PXDNL: variants seen among roughly 807,000 people sequenced by gnomAD.
PXDNL encodes the protein probable oxidoreductase PXDNL.
Under a neutral mutation model 150.8 loss-of-function variants are expected in PXDNL, and 145 were observed. The ratio of observed to expected loss-of-function variants is 0.96; its 90% CI spans 0.84 to 1.10. The LOEUF (loss-of-function observed/expected upper bound fraction) is 1.10. Among genes scored for constraint, PXDNL ranks in the 50% least tolerant of loss-of-function variants. The probability of loss-of-function intolerance (pLI) is 0.00; values close to 1 mark genes in which losing one functional copy is unlikely to be tolerated. For synonymous variants in PXDNL, 757 were observed against 725.7 expected, an observed-to-expected ratio of 1.04 and a Z score of -0.69; for missense variants, 2,087 against 1,873.9, an observed-to-expected ratio of 1.11 and a Z score of -2.10.
chr8:51,409,111 T>C lies in PXDNL; in HGVS notation c.2513A>G (p.Asn838Ser), dbSNP rs754797085. Residue 838 changes from asparagine to serine, a missense_variant, in exon 17 of 23, where the codon AAC becomes AGC. Coordinates refer to ENST00000356297, the MANE Select transcript of PXDNL (RefSeq NM_144651.5). ...DGRPCSSVCTNDPPCFPMNTR... is the reference protein window; with the variant it reads ...DGRPCSSVCTSDPPCFPMNTR... ...GTTCATGGGGAAACAAGGAGGGTCGTTGGTGCAGACGGAGCTGCACGGCCG... is the reference window on the plus strand; with the variant it reads ...GTTCATGGGGAAACAAGGAGGGTCGCTGGTGCAGACGGAGCTGCACGGCCG... 6.8e-6 allele frequency: 11 copies of C among 1,608,696 alleles called. 1 individual carries two copies. Among genetic ancestry groups the C allele is most frequent in the South Asian group, 4.4e-5 (4 of 90,972 alleles).
intron 1 of PXDNL, among the ~76,000 whole-genome samples, chr8:51,713,820 C>T (rs1816548764): frequency 6.6e-6 from 1 of 152,016 alleles, no homozygotes; most frequent in Admixed American, 6.5e-5. Context: ...AAATGTATTC[C>T]CAACAGATAA....
intron 1 of PXDNL, among the ~76,000 whole-genome samples, chr8:51,721,258 T>G (rs1816725151): frequency 6.6e-6 from 1 of 152,256 alleles, no homozygotes; most frequent in Admixed American, 6.5e-5. Flanking sequence ...ACTTCTTTTG[T>G]TTTTAATTAG....
At chr8:51,558,330 G>A (rs1812638798) in intron 3 of PXDNL, among the ~76,000 whole-genome samples, 1 of 152,022 alleles carries the variant, frequency 6.6e-6, no homozygotes, top group Non-Finnish European at 1.5e-5. Context: ...TATGCAGCAA[G>A]GTTGAAAGCT....
intron 1 of PXDNL, among the ~76,000 whole-genome samples, chr8:51,795,549 G>C (rs2037551903): frequency 6.6e-6 from 1 of 152,148 alleles, no homozygotes; most frequent in Non-Finnish European, 1.5e-5. Flanking sequence ...AATGACTCCT[G>C]GGTAAATAAC....
rs2036961312 is a variant in PXDNL at position 51,744,922 on chromosome 8, G to T, written c.164+64259C>A. Among the ~76,000 whole-genome samples the T allele has an allele frequency of 2.7e-5, 3 of 112,188 alleles. No individual in the cohort carries two copies. The South Asian group carries it at 9.8e-4, about 37-fold the overall frequency. 73.6% of individuals were successfully genotyped at this position (112,188 alleles called of 152,430 possible). ...AGAAGGAAGGAAGGAAGGAAGGAAA[G>T]AAAGAAAAAGAAAGAAAGAAAGAAA... is the stretch of plus-strand genomic sequence containing the variant. On this transcript the variant is annotated intron_variant, in intron 1 of 22. Coordinates refer to ENST00000356297, the MANE Select transcript of PXDNL (RefSeq NM_144651.5).
At chr8:51,372,980 A>T (rs991110339) in intron 18 of PXDNL, among the ~76,000 whole-genome samples, 3 of 152,202 alleles carry the variant, frequency 2.0e-5, no homozygotes, top group Admixed American at 6.5e-5. Context: ...TGTGCTGAGT[A>T]TAGAGCAGGA....
At chr8:51,553,932 T>C (rs1446674584) in intron 4 of PXDNL, among the ~76,000 whole-genome samples, 2 of 152,066 alleles carry the variant, frequency 1.3e-5, no homozygotes, top group African/African-American at 2.4e-5. Context: ...TAAGCCATAA[T>C]GTGAGGAGTT....
At chr8:51,565,014 G>A (rs1025559267) in intron 3 of PXDNL, among the ~76,000 whole-genome samples, 3 of 151,806 alleles carry the variant, frequency 2.0e-5, no homozygotes, top group African/African-American at 7.2e-5. Context: ...ATGGTGAATA[G>A]GGATGGAGAG....
chr8:51,424,568 ATAAC>A (rs1236021815), intron 13 of PXDNL, among the ~76,000 whole-genome samples: 1 of 152,074 alleles, frequency 6.6e-6, no homozygotes, highest in Non-Finnish European at 1.5e-5. Flanking sequence ...GAAGATAAAA[ATAAC>A]TACATTTTAT....
Position 51,409,386 on chromosome 8 carries a change from C to G in PXDNL, c.2238G>C (p.Leu746=), listed in dbSNP as rs1166104668. The G allele has an allele frequency of 6.3e-7, 1 of 1,593,754 alleles. No individual in the cohort carries two copies. The highest frequency in any genetic ancestry group is 8.5e-7 in the Non-Finnish European group (1 of 1,172,550). The change falls in exon 17 of 23, where the codon CTG becomes CTC. Residue 746 remains leucine, a synonymous_variant. Coordinates refer to ENST00000356297, the MANE Select transcript of PXDNL (RefSeq NM_144651.5). ...NLQQPTWGAA[L]TAFARLLQPA... ...GCTGCAGCAGGCGCGCGAAGGCGGT[C>G]AGCGCCGCGCCCCACGTGGGCTGCT...
At chr8:51,729,509 GA>G (rs1816878189) in intron 1 of PXDNL, among the ~76,000 whole-genome samples, 1 of 152,216 alleles carries the variant, frequency 6.6e-6, no homozygotes, top group Non-Finnish European at 1.5e-5. Flanking sequence ...AAATACTGGT[GA>G]GGATGCTGAG....
chr8:51,562,053 C>CA lies in PXDNL; in HGVS notation c.309-5143_309-5142insT, dbSNP rs1812730429. ...GTTCTTTTTCATATTTCAATATTTTCTAAGATGATTATATATTGATATATT... is the reference window on the plus strand; with the variant it reads ...GTTCTTTTTCATATTTCAATATTTTCATAAGATGATTATATATTGATATATT... On this transcript the variant is annotated intron_variant, in intron 3 of 22. Transcript: ENST00000356297. Among the ~76,000 whole-genome samples the CA allele has an allele frequency of 7.3e-5, 11 of 151,494 alleles. 1 individual carries two copies. The highest frequency in any genetic ancestry group is 7.3e-4 in the Admixed American group (11 of 15,166).
At chr8:51,636,095 G>A (rs1010561044) in intron 2 of PXDNL, among the ~76,000 whole-genome samples, 1 of 152,144 alleles carries the variant, frequency 6.6e-6, no homozygotes, top group Non-Finnish European at 1.5e-5. Context: ...AATGATGGAG[G>A]AGAAAACACA....
intron 4 of PXDNL, among the ~76,000 whole-genome samples, chr8:51,544,115 A>C (rs868092947): frequency 2.6e-5 from 4 of 152,218 alleles, no homozygotes; most frequent in Non-Finnish European, 4.4e-5. Context: ...TAAAAGGAGA[A>C]AATAATACCT....
intron 13 of PXDNL, among the ~76,000 whole-genome samples, chr8:51,426,288 T>G (rs1480452346): frequency 1.3e-5 from 2 of 152,186 alleles, no homozygotes; most frequent in African/African-American, 4.8e-5. Flanking sequence ...ATGACCTACT[T>G]TTAATCCACT....
intron 4 of PXDNL, among the ~76,000 whole-genome samples, chr8:51,548,209 A>G (rs937802333): frequency 6.6e-6 from 1 of 152,196 alleles, no homozygotes; most frequent in Admixed American, 6.5e-5. Flanking sequence ...AAACAACCAA[A>G]CATTAGAATA....
At chr8:51,537,572 G>T (rs549869620) in intron 4 of PXDNL, among the ~76,000 whole-genome samples, 2 of 152,092 alleles carry the variant, frequency 1.3e-5, no homozygotes, top group East Asian at 3.9e-4. Flanking sequence ...AGAGCAACAG[G>T]GGGGAAGAGG....
At chr8:51,422,830 G>A (rs1330803508) in intron 14 of PXDNL, among the ~76,000 whole-genome samples, 7 of 152,142 alleles carry the variant, frequency 4.6e-5, no homozygotes, top group East Asian at 3.9e-4. Context: ...ATGCCTCTCC[G>A]TGTAGAGAAC....
intron 2 of PXDNL, among the ~76,000 whole-genome samples, chr8:51,621,438 GTGTGTGTGTC>G (rs1305288179): frequency 3.7e-5 from 5 of 135,756 alleles, no homozygotes; most frequent in Non-Finnish European, 4.6e-5. Flanking sequence ...AAGAATGAGT[GTGTGTGTGTC>G]TGTGTGTGTG....
Sources: gnomAD v4.1 joint callset for allele counts (sites outside exome capture counted in the v4.1 genomes callset) on GRCh38, gnomAD v4.1.1 for gene constraint, MANE v1.5 for transcripts, NCBI Gene and HGNC (gene_info 2026-07-23, HGNC 2026-07-21) for gene names.